Variants in RABGAP1L observed in about 807,000 individuals in gnomAD.
RABGAP1L encodes RAB GTPase activating protein 1 like, also known as rab GTPase-activating protein 1-like.
RABGAP1L carries 63 observed loss-of-function variants against 137.7 expected under a neutral mutation model. The ratio of observed to expected loss-of-function variants is 0.46; its 90% CI spans 0.37 to 0.56. The LOEUF (loss-of-function observed/expected upper bound fraction) is 0.56, where lower values mean the gene tolerates loss of function less well. Among genes scored for constraint, RABGAP1L ranks in the 20% least tolerant of loss-of-function variants. The pLI is 0.00. For synonymous variants in RABGAP1L, 431 were observed against 433.7 expected (o/e 0.99, Z 0.08); for missense variants, 1,095 against 1,244.0 (o/e 0.88, Z 1.80).
Position 174,783,153 on chromosome 1 carries a change from T to C in RABGAP1L, c.2212-28679T>C, listed in dbSNP as rs531308781. Among the ~76,000 whole-genome samples the C allele has an allele frequency of 1.8e-4, 27 of 152,298 alleles. No individual in the cohort carries two copies. In the East Asian group the frequency reaches 5.2e-3, roughly 29 times the overall value. On this transcript the variant is annotated intron_variant, in intron 18 of 25. Coordinates refer to ENST00000681986, the MANE Select transcript of RABGAP1L (RefSeq NM_001366446.1). ...TCCTGCAGGGTGTCCGCTGCACTCC[T>C]GATCTAGTGAGGCGCCCATTGCCCC...
intron 13 of RABGAP1L, among the ~76,000 whole-genome samples, chr1:174,413,839 T>TAAGAA (rs1650226822): frequency 6.6e-6 from 1 of 152,074 alleles, no homozygotes; most frequent in African/African-American, 2.4e-5. Context: ...ATATACTTGA[T>TAAGAA]TCTTGTTTAT....
intron 18 of RABGAP1L, among the ~76,000 whole-genome samples, chr1:174,795,135 G>T (rs1229721007): frequency 2.6e-5 from 4 of 152,050 alleles, no homozygotes; most frequent in Non-Finnish European, 4.4e-5. Flanking sequence ...CCATTGCCTG[G>T]TTTTTTCTCT....
In RABGAP1L at chr1:174,969,264, T is replaced by C; in HGVS notation, c.2434-13T>C. ...GACACTAATGCCCACCTCTGGCTAT[T>C]GTTCTTCTGCAGAGGGAGAACCGAA... On this transcript the variant is annotated splice_polypyrimidine_tract_variant and intron_variant, in intron 20 of 25. Transcript: ENST00000681986. The C allele has an allele frequency of 6.5e-7, 1 of 1,540,228 alleles. No individual in the cohort carries two copies. The highest frequency in any genetic ancestry group is 8.8e-7 in the Non-Finnish European group (1 of 1,137,256).
chr1:174,600,696 C>A (rs1670340334), intron 13 of RABGAP1L, among the ~76,000 whole-genome samples: 1 of 152,214 alleles, frequency 6.6e-6, no homozygotes, highest in African/African-American at 2.4e-5. Flanking sequence ...GGGTTCCCAT[C>A]ATCTTGGGTA....
rs550355140 is a variant in RABGAP1L at position 174,383,798 on chromosome 1, C to G, written c.1560-10197C>G. ...GTAGACCGGAGCTGTTCCTATTCGG[C>G]CATCTTGGCTCCTCCTCGCAACTGC... On this transcript the variant is annotated intron_variant, in intron 12 of 25. Coordinates refer to ENST00000681986, the MANE Select transcript of RABGAP1L (RefSeq NM_001366446.1). Among the ~76,000 whole-genome samples, 7 of 152,204 alleles carry G rather than the reference C, an allele frequency of 4.6e-5. No homozygotes were observed. The South Asian group carries it at 1.5e-3, about 32-fold the overall frequency.
intron 13 of RABGAP1L, among the ~76,000 whole-genome samples, chr1:174,409,222 A>G (rs1020879867): frequency 2.6e-5 from 4 of 152,214 alleles, no homozygotes; most frequent in South Asian, 2.1e-4. Flanking sequence ...TAATATGGAC[A>G]TATGTCAGTT....
intron 13 of RABGAP1L, among the ~76,000 whole-genome samples, chr1:174,568,564 T>TG (rs1200671228): frequency 2.0e-5 from 3 of 152,200 alleles, no homozygotes; most frequent in Non-Finnish European, 4.4e-5. Flanking sequence ...GTGACACCTT[T>TG]GGAAAGGTAT....
intron 13 of RABGAP1L, among the ~76,000 whole-genome samples, chr1:174,550,121 C>G (rs1407630255): frequency 6.6e-6 from 1 of 151,974 alleles, no homozygotes; most frequent in African/African-American, 2.4e-5. Context: ...TAATTGGTAC[C>G]TCAGTCACTT....
intron 13 of RABGAP1L, among the ~76,000 whole-genome samples, chr1:174,587,995 T>G (rs947469953): frequency 1.3e-5 from 2 of 150,772 alleles, no homozygotes; most frequent in East Asian, 2.0e-4. Context: ...TCCCGAGTAG[T>G]TGGGACTACA....
At chr1:174,188,087 C>CT (rs1666941251) in intron 1 of RABGAP1L, among the ~76,000 whole-genome samples, 1 of 152,062 alleles carries the variant, frequency 6.6e-6, no homozygotes, top group South Asian at 2.1e-4. Context: ...GCAGGGTATA[C>CT]TTTATATAAA....
intron 13 of RABGAP1L, among the ~76,000 whole-genome samples, chr1:174,477,660 T>C (rs1658643666): frequency 6.6e-6 from 1 of 152,206 alleles, no homozygotes; most frequent in Non-Finnish European, 1.5e-5. Context: ...CTATTTTATG[T>C]TTAAAACTAA....
intron 19 of RABGAP1L, among the ~76,000 whole-genome samples, chr1:174,816,871 C>T (rs2148873429): frequency 6.6e-6 from 1 of 152,022 alleles, no homozygotes. Context: ...GCTGGGACTA[C>T]AGGCGTGCGC....
chr1:174,858,561 G>C (rs1031981927), intron 19 of RABGAP1L, among the ~76,000 whole-genome samples: 1 of 152,106 alleles, frequency 6.6e-6, no homozygotes, highest in Admixed American at 6.5e-5. Context: ...AAACTCTTCC[G>C]TATGTGACTG....
At position 174,761,450 on chromosome 1, in the gene RABGAP1L, C is replaced by T. The variant is rs1042780730; in HGVS notation, c.2211+9096C>T. On this transcript the variant is annotated intron_variant, in intron 18 of 25. Coordinates refer to ENST00000681986, the MANE Select transcript of RABGAP1L (RefSeq NM_001366446.1). The surrounding 1 kb of genome is among the most constrained non-coding windows in gnomAD (Gnocchi z 4.0). ...GGCGCTCCTCAGTTTTCAGACGGTG[C>T]AGCCGCCAGGCAGAGGTGCTCCTCA... Among the ~76,000 whole-genome samples, 31 of 152,016 alleles carry T rather than the reference C, an allele frequency of 2.0e-4. No homozygotes were observed. In the East Asian group the frequency reaches 5.8e-3, roughly 29 times the overall value.
At chr1:174,936,644 T>C (rs1277899304) in intron 19 of RABGAP1L, among the ~76,000 whole-genome samples, 1 of 152,132 alleles carries the variant, frequency 6.6e-6, no homozygotes, top group African/African-American at 2.4e-5. Flanking sequence ...GGCAGATATA[T>C]GTTTTGAACC....
chr1:174,402,080 T>C (rs1648663290), intron 13 of RABGAP1L, among the ~76,000 whole-genome samples: 1 of 152,164 alleles, frequency 6.6e-6, no homozygotes, highest in South Asian at 2.1e-4. Flanking sequence ...CAGTAGATGC[T>C]AAACGCTTCC....
At chr1:174,911,971 T>C (rs1315387366) in intron 19 of RABGAP1L, among the ~76,000 whole-genome samples, 1 of 152,250 alleles carries the variant, frequency 6.6e-6, no homozygotes, top group Non-Finnish European at 1.5e-5. Context: ...TCACATCTAT[T>C]GCCCTGTTAA....
chr1:174,911,879 G>A (rs1019701551), intron 19 of RABGAP1L, among the ~76,000 whole-genome samples: 10 of 152,180 alleles, frequency 6.6e-5, no homozygotes, highest in Admixed American at 5.9e-4. Context: ...CTGTTCTGTA[G>A]ATTTTACTAC....
chr1:174,250,450 G>T, intron 5 of RABGAP1L, 25 bp from the exon 6 acceptor site: 1 of 1,579,702 alleles, frequency 6.3e-7, no homozygotes, highest in Non-Finnish European at 8.6e-7. Flanking sequence ...TTTGCCTAAT[G>T]GTATTTCCTT....
Sources: allele counts gnomAD v4.1 joint callset (sites outside exome capture counted in the v4.1 genomes callset), GRCh38; gene constraint gnomAD v4.1.1; non-coding constraint Gnocchi (gnomAD v3.1); transcripts MANE v1.5; gene names NCBI Gene and HGNC (gene_info 2026-07-23, HGNC 2026-07-21).